Variants in CLCN5 observed in about 807,000 individuals in gnomAD.
CLCN5 encodes H(+)/Cl(-) exchange transporter 5.
Under a neutral mutation model 54.0 loss-of-function variants are expected in CLCN5, and 17 were observed. That is an observed-to-expected ratio of 0.31 (90% CI 0.22 to 0.47). CLCN5 has a LOEUF of 0.47. Ranked by LOEUF, CLCN5 falls within the 20% of genes least tolerant of loss-of-function variation. CLCN5 has a pLI of 1.00. For missense variants in CLCN5, 448 were observed against 646.7 expected (o/e 0.69, Z 3.33); for synonymous variants, 222 against 233.0 (o/e 0.95, Z 0.43).
chrX:50,062,801 A>G (rs1932880572), intron 4 of CLCN5, among the ~76,000 whole-genome samples: 1 of 102,731 alleles, frequency 9.7e-6, no homozygotes, highest in South Asian at 4.2e-4. Flanking sequence ...AAATTATAAC[A>G]AACTATCTCT....
Position 50,090,457 on chromosome X carries a change from C to T in CLCN5, c.2086C>T (p.Arg696Trp), listed in dbSNP as rs782120242. The T allele has an allele frequency of 1.1e-5, 13 of 1,206,844 alleles. No homozygotes were observed. The highest frequency in any genetic ancestry group is 3.0e-5 in the East Asian group (1 of 33,670). Residue 696 changes from arginine (R) to tryptophan (W), a missense_variant, in exon 13 of 15, where the codon CGG (arginine) becomes TGG (tryptophan). Transcript: ENST00000376091. The part of the protein sequence containing the change: ...TYSGFPVVVS[R>W]ESQRLVGFVL... The stretch of plus-strand genomic sequence containing the variant: ...CAGTGGCTTCCCAGTGGTGGTATCC[C>T]GGGAGTCCCAAAGACTTGTGGGCTT...
chrX:50,086,905 C>T lies in CLCN5; in HGVS notation c.1557+35C>T, dbSNP rs782558452. The stretch of plus-strand genomic sequence containing the variant: ...TCTTTTGGGACTCAGTGGCTGCATG[C>T]GTAGCTGTGGGTTTTGGAGGGCAGA... On this transcript the variant is annotated intron_variant, in intron 11 of 14. Coordinates refer to ENST00000376091, the MANE Select transcript of CLCN5 (RefSeq NM_001127898.4). 30 of 1,172,461 alleles carry T rather than the reference C, an allele frequency of 2.6e-5. No homozygotes were observed. In the African/African-American group the frequency reaches 3.4e-4, roughly 13 times the overall value.
At chrX:49,988,859 G>A (rs1011385643) in intron 3 of CLCN5, among the ~76,000 whole-genome samples, 2 of 110,481 alleles carry the variant, frequency 1.8e-5, no homozygotes, top group African/African-American at 6.6e-5. Context: ...TGCCATACTA[G>A]GAGTAGCACA....
intron 3 of CLCN5, among the ~76,000 whole-genome samples, chrX:50,033,528 G>C (rs961163694): frequency 1.8e-5 from 2 of 111,449 alleles, no homozygotes; most frequent in African/African-American, 6.5e-5. Context: ...AGGATACAAA[G>C]AAACGGAAGA....
intron 4 of CLCN5, among the ~76,000 whole-genome samples, chrX:50,066,113 G>A (rs1444712444): frequency 1.0e-5 from 1 of 98,405 alleles, no homozygotes; most frequent in Non-Finnish European, 2.0e-5. Context: ...GTATACACAT[G>A]TAACTAACCT....
intron 3 of CLCN5, among the ~76,000 whole-genome samples, chrX:49,992,198 CTCTTTTTT>C (rs1248991209): frequency 9.5e-6 from 1 of 105,088 alleles, no homozygotes; most frequent in African/African-American, 3.5e-5. Flanking sequence ...GTCTCTCCCT[CTCTTTTTT>C]TCTTTTTTTT....
At chrX:50,039,644 A>T (rs907319053) in intron 3 of CLCN5, among the ~76,000 whole-genome samples, 1 of 112,149 alleles carries the variant, frequency 8.9e-6, no homozygotes, top group Non-Finnish European at 1.9e-5. Context: ...TCAAGTAAAG[A>T]TGCTTTGGAT....
At chrX:49,959,556 T>A (rs1557174307) in intron 3 of CLCN5, among the ~76,000 whole-genome samples, 1 of 112,362 alleles carries the variant, frequency 8.9e-6, no homozygotes, top group African/African-American at 3.2e-5. Context: ...TTCTCCACAG[T>A]CATCTTAAAT....
chrX:49,969,688 G>C (rs1928104329), intron 3 of CLCN5, among the ~76,000 whole-genome samples: 1 of 111,824 alleles, frequency 8.9e-6, no homozygotes, highest in African/African-American at 3.3e-5. Context: ...CCCAGAATAT[G>C]GTATATCTTA....
intron 5 of CLCN5, 61 bp downstream of exon 5, chrX:50,070,091 A>G: frequency 9.6e-7 from 1 of 1,044,960 alleles, no homozygotes; most frequent in Non-Finnish European, 1.3e-6. Flanking sequence ...AATTGAAGAT[A>G]CATATTCTTT....
intron 3 of CLCN5, among the ~76,000 whole-genome samples, chrX:49,939,596 C>G (rs1926213226): frequency 9.1e-6 from 1 of 110,226 alleles, no homozygotes; most frequent in Non-Finnish European, 1.9e-5. Context: ...AATGAGAACA[C>G]TTGGACGCAG....
intron 3 of CLCN5, among the ~76,000 whole-genome samples, chrX:49,977,639 A>G (rs1274418295): frequency 8.9e-6 from 1 of 111,916 alleles, no homozygotes; most frequent in African/African-American, 3.2e-5. Context: ...CCAAGGTTGT[A>G]TATGAGGACC....
intron 3 of CLCN5, among the ~76,000 whole-genome samples, chrX:49,989,132 G>A (rs920097164): frequency 6.5e-5 from 7 of 107,826 alleles, no homozygotes; most frequent in African/African-American, 2.4e-4. Context: ...GAGTGCAGTG[G>A]CATGATCGTG....
chrX:50,069,876 C>G lies in CLCN5; in HGVS notation c.164-3C>G. Reference sequence around the variant, plus strand: ...ACTAATGTCTATTTCTTGTTCAATACAGAGGACAAGTCGTACAATGGTGGA... The same window carrying G: ...ACTAATGTCTATTTCTTGTTCAATAGAGAGGACAAGTCGTACAATGGTGGA... On this transcript the variant is annotated splice_region_variant and splice_polypyrimidine_tract_variant and intron_variant, in intron 4 of 14. Transcript: ENST00000376091. The G allele has an allele frequency of 8.3e-7, 1 of 1,201,876 alleles. No individual in the cohort carries two copies. Among genetic ancestry groups the G allele is most frequent in the Non-Finnish European group, 1.1e-6 (1 of 890,371 alleles).
chrX:50,069,422 T>G (rs1179879957), intron 4 of CLCN5: 1 of 609,557 alleles, frequency 1.6e-6, no homozygotes, highest in African/African-American at 2.5e-5. Context: ...GAGGCCCACA[T>G]GCTTTATTTG....
intron 3 of CLCN5, among the ~76,000 whole-genome samples, chrX:49,978,071 G>A (rs1928566786): frequency 1.8e-5 from 2 of 111,795 alleles, no homozygotes; most frequent in Non-Finnish European, 3.8e-5. Flanking sequence ...GAATAAAGTA[G>A]TGAGTACAGG....
At chrX:50,060,625 C>T (rs1417256176) in intron 4 of CLCN5, among the ~76,000 whole-genome samples, 1 of 111,202 alleles carries the variant, frequency 9.0e-6, no homozygotes, top group Admixed American at 9.4e-5. Flanking sequence ...AACAAAGCAG[C>T]GGGGAAGCTC....
Position 50,066,110 on chromosome X carries a change from C to T in CLCN5, c.164-3769C>T, listed in dbSNP as rs370757548. The stretch of plus-strand genomic sequence containing the variant: ...CGCACCAGCATGGCACATGTATACA[C>T]ATGTAACTAACCTGCACATTGTGCA... On this transcript the variant is annotated intron_variant, in intron 4 of 14. Coordinates refer to ENST00000376091, the MANE Select transcript of CLCN5 (RefSeq NM_001127898.4). Among the ~76,000 whole-genome samples, 23 of 94,770 alleles carry T rather than the reference C, an allele frequency of 2.4e-4. No homozygotes were observed. The East Asian group carries it at 5.9e-3, about 24-fold the overall frequency. 82.3% of individuals were successfully genotyped at this position (94,770 alleles called of 115,157 possible).
chrX:49,989,345 T>A (rs782111387), intron 3 of CLCN5, among the ~76,000 whole-genome samples: 1 of 111,867 alleles, frequency 8.9e-6, no homozygotes, highest in South Asian at 3.8e-4. Flanking sequence ...ACCCACTCAA[T>A]GCCTTTGCAA....
Sources: gnomAD v4.1 joint callset for allele counts (sites outside exome capture counted in the v4.1 genomes callset) on GRCh38, gnomAD v4.1.1 for gene constraint, MANE v1.5 for transcripts, NCBI Gene and HGNC (gene_info 2026-07-23, HGNC 2026-07-21) for gene names.